OMA1: variants seen among roughly 807,000 people sequenced by gnomAD.
The protein encoded by OMA1 is OMA1 zinc metallopeptidase, also known as metalloendopeptidase OMA1, mitochondrial.
A neutral mutation model predicts 30.9 loss-of-function variants in OMA1; 38 were observed. The observed-to-expected ratio is 1.23, with a 90% CI of 0.95 to 1.61. OMA1 has a LOEUF of 1.61. Ranked by LOEUF, OMA1 falls within the 40% of genes most tolerant of loss-of-function variation. OMA1 has a pLI of 0.00. For synonymous variants in OMA1, 173 were observed against 121.9 expected, an observed-to-expected ratio of 1.42 and a Z score of -2.76; for missense variants, 461 against 349.2, an observed-to-expected ratio of 1.32 and a Z score of -2.55.
chr1:58,542,871 T>C (rs1039688187), intron 1 of OMA1, among the ~76,000 whole-genome samples: 2 of 152,162 alleles, frequency 1.3e-5, no homozygotes, highest in Non-Finnish European at 2.9e-5. Flanking sequence ...ACTGAAAAGA[T>C]TTTACATAAA....
rs1343425136 is a variant in OMA1, at chr1:58,525,135, C to T, written c.1215+2126G>A. The stretch of plus-strand genomic sequence containing the variant: ...CACACGTTTTGATAAATTTTCATAA[C>T]CGATTTGTGTTTTATGGTAAAAAAT... On this transcript the variant is annotated intron_variant, in intron 7 of 8. Transcript: ENST00000371226. Among the ~76,000 whole-genome samples the T allele has an allele frequency of 2.0e-5, 3 of 152,108 alleles. No homozygotes were observed. The East Asian group carries it at 5.8e-4, about 29-fold the overall frequency.
intron 7 of OMA1, among the ~76,000 whole-genome samples, chr1:58,520,525 A>T (rs1646245730): frequency 6.6e-6 from 1 of 152,130 alleles, no homozygotes; most frequent in Admixed American, 6.6e-5. Flanking sequence ...AAATAGACTA[A>T]CTTTTCCCCA....
At chr1:58,512,115 A>G (rs1194370629) in intron 7 of OMA1, among the ~76,000 whole-genome samples, 1 of 152,232 alleles carries the variant, frequency 6.6e-6, no homozygotes, top group Non-Finnish European at 1.5e-5. Context: ...TCTTCAAAAA[A>G]GACATTCAAA....
At chr1:58,520,221 C>T (rs1332861102) in intron 7 of OMA1, among the ~76,000 whole-genome samples, 2 of 151,916 alleles carry the variant, frequency 1.3e-5, no homozygotes, top group East Asian at 1.9e-4. Context: ...ACGTAACAGA[C>T]CTGCACGTGT....
intron 8 of OMA1, among the ~76,000 whole-genome samples, chr1:58,484,725 T>G (rs911035055): frequency 2.6e-5 from 4 of 152,122 alleles, no homozygotes; most frequent in Admixed American, 1.3e-4. Flanking sequence ...AGAATATTAT[T>G]CAGATCTAAG....
At chr1:58,485,695 T>C (rs936138187) in intron 8 of OMA1, among the ~76,000 whole-genome samples, 4 of 152,162 alleles carry the variant, frequency 2.6e-5, no homozygotes, top group African/African-American at 9.6e-5. Flanking sequence ...TTATTAAATA[T>C]ATCTTCATCT....
chr1:58,497,278 C>G (rs144575076), intron 8 of OMA1, among the ~76,000 whole-genome samples: 2 of 151,994 alleles, frequency 1.3e-5, no homozygotes, highest in Non-Finnish European at 2.9e-5. Flanking sequence ...ACTTTAGGGA[C>G]GTAAGGACCA....
intron 8 of OMA1, among the ~76,000 whole-genome samples, chr1:58,491,750 C>G (rs1452662737): frequency 6.6e-6 from 1 of 152,160 alleles, no homozygotes; most frequent in Non-Finnish European, 1.5e-5. Context: ...TACAGGAGCA[C>G]CCAGATTCAT....
chr1:58,489,064 G>T (rs555946445), intron 8 of OMA1, among the ~76,000 whole-genome samples: 5 of 152,360 alleles, frequency 3.3e-5, no homozygotes, highest in African/African-American at 9.6e-5. Flanking sequence ...GGTACTGGGT[G>T]CATCTCACTG....
intron 7 of OMA1, among the ~76,000 whole-genome samples, chr1:58,520,853 C>T (rs552049553): frequency 6.4e-4 from 97 of 152,104 alleles, no homozygotes; most frequent in African/African-American, 2.1e-3. Flanking sequence ...AAATCTACAA[C>T]CATAATGAAA....
intron 8 of OMA1, among the ~76,000 whole-genome samples, chr1:58,486,955 G>T (rs1439741335): frequency 6.6e-6 from 1 of 152,218 alleles, no homozygotes; most frequent in Non-Finnish European, 1.5e-5. Context: ...TACGTGCCTG[G>T]AAGACATAGG....
chr1:58,501,456 A>G (rs1645905211), intron 8 of OMA1, among the ~76,000 whole-genome samples: 1 of 152,118 alleles, frequency 6.6e-6, no homozygotes, highest in African/African-American at 2.4e-5. Context: ...CTATTGTCCC[A>G]TCTCTGTGAA....
intron 8 of OMA1, among the ~76,000 whole-genome samples, chr1:58,497,591 A>T (rs1645824501): frequency 6.7e-6 from 1 of 148,346 alleles, no homozygotes; most frequent in Non-Finnish European, 1.5e-5. Context: ...GCAATAGCAG[A>T]CATAGGGGAA....
intron 8 of OMA1, among the ~76,000 whole-genome samples, chr1:58,503,576 T>C (rs1193150227): frequency 6.6e-6 from 1 of 152,094 alleles, no homozygotes; most frequent in African/African-American, 2.4e-5. Flanking sequence ...TAAGCGCCTT[T>C]GGGAGGCGAT....
chr1:58,495,311 C>T (rs185221971), intron 8 of OMA1, among the ~76,000 whole-genome samples: 1 of 152,152 alleles, frequency 6.6e-6, no homozygotes, highest in African/African-American at 2.4e-5. Flanking sequence ...GGAGATATAC[C>T]TAATGTTAAA....
intron 7 of OMA1, 128 bp from the exon 8 acceptor site, chr1:58,506,337 G>A: frequency 1.7e-6 from 1 of 579,894 alleles, no homozygotes; most frequent in Non-Finnish European, 3.0e-6. Context: ...TGCACAACGT[G>A]CAGGTTTGTT....
chr1:58,546,448 G>A (rs1646707147), intron 1 of OMA1, among the ~76,000 whole-genome samples: 1 of 152,082 alleles, frequency 6.6e-6, no homozygotes, highest in African/African-American at 2.4e-5. Context: ...GCAAGGCTAG[G>A]GGAGAACCGG....
chr1:58,484,974 G>A (rs1645549309), intron 8 of OMA1, among the ~76,000 whole-genome samples: 1 of 151,966 alleles, frequency 6.6e-6, no homozygotes, highest in South Asian at 2.1e-4. Context: ...CTATAATGGT[G>A]GATACATGTC....
chr1:58,544,910 T>C (rs762476069), intron 1 of OMA1, among the ~76,000 whole-genome samples: 8 of 152,198 alleles, frequency 5.3e-5, no homozygotes, highest in Non-Finnish European at 1.0e-4. Context: ...GCTAATTTTT[T>C]AATTTTTTTC....
Sources: gnomAD v4.1 joint callset for allele counts (sites outside exome capture counted in the v4.1 genomes callset) on GRCh38, gnomAD v4.1.1 for gene constraint, MANE v1.5 for transcripts, NCBI Gene and HGNC (gene_info 2026-07-23, HGNC 2026-07-21) for gene names.